Variants in ROS1 observed in about 807,000 individuals in gnomAD.
The protein encoded by ROS1 is proto-oncogene tyrosine-protein kinase ROS.
In ROS1, 263 loss-of-function variants were observed where a neutral mutation model predicts 273.5. That is an observed-to-expected ratio of 0.96 (90% CI 0.87 to 1.06). The LOEUF is 1.06. ROS1 is among the 50% of genes least tolerant of loss of function. ROS1 has a pLI of 0.00. For missense variants in ROS1, 2,833 were observed against 2,751.1 expected, an observed-to-expected ratio of 1.03 and a Z score of -0.67; for synonymous variants, 1,008 against 954.1, an observed-to-expected ratio of 1.06 and a Z score of -1.04.
At chr6:117,411,652 C>T (rs573388944) in intron 4 of ROS1, among the ~76,000 whole-genome samples, 72 of 152,262 alleles carry the variant, frequency 4.7e-4, no homozygotes, top group Middle Eastern at 3.4e-3. Flanking sequence ...GTGCCCTTTC[C>T]AGCTTCTGTA....
intron 5 of ROS1, among the ~76,000 whole-genome samples, chr6:117,408,309 A>G (rs199817957): frequency 6.6e-6 from 1 of 152,128 alleles, no homozygotes; most frequent in African/African-American, 2.4e-5. Flanking sequence ...TTTGCAATCT[A>G]CTTATCTGAC....
intron 22 of ROS1, 144 bp downstream of exon 22, chr6:117,362,459 C>G (rs1344710545): frequency 1.5e-6 from 1 of 659,778 alleles, no homozygotes; most frequent in Non-Finnish European, 2.4e-6. Flanking sequence ...AATTTTCTCA[C>G]ATAATTTTAA....
chr6:117,337,359 A>T lies in ROS1; in HGVS notation c.5062-19T>A. 1 of 1,576,790 alleles carries T rather than the reference A, an allele frequency of 6.3e-7. No homozygotes were observed. The highest frequency in any genetic ancestry group is 8.6e-7 in the Non-Finnish European group (1 of 1,164,314). Reference sequence around the variant, plus strand: ...ATTTCCACTAGAAAAAGAAGTCTCGATTAATATTTTTGTTTCTCTAAGAAA... The same window carrying T: ...ATTTCCACTAGAAAAAGAAGTCTCGTTTAATATTTTTGTTTCTCTAAGAAA... On this transcript the variant is annotated intron_variant, in intron 31 of 43. Transcript: ENST00000368507.
chr6:117,419,568 A>G (rs1175763495), intron 1 of ROS1, among the ~76,000 whole-genome samples: 2 of 152,164 alleles, frequency 1.3e-5, no homozygotes, highest in East Asian at 3.9e-4. Flanking sequence ...TGTTAGATGA[A>G]TTTTGCAACC....
chr6:117,307,272 G>T (rs1467756026), intron 42 of ROS1, among the ~76,000 whole-genome samples: 8 of 152,094 alleles, frequency 5.3e-5, no homozygotes, highest in Non-Finnish European at 7.4e-5. Flanking sequence ...TTTCAAAGCT[G>T]CCTATCCAAA....
intron 1 of ROS1, among the ~76,000 whole-genome samples, chr6:117,421,503 A>G (rs1775754882): frequency 6.6e-6 from 1 of 152,072 alleles, no homozygotes; most frequent in East Asian, 1.9e-4. Flanking sequence ...AAGTGAGAAC[A>G]TACGGTATTT....
chr6:117,351,139 G>C (rs796478098), intron 27 of ROS1, among the ~76,000 whole-genome samples: 2 of 152,098 alleles, frequency 1.3e-5, no homozygotes, highest in Admixed American at 1.3e-4. Context: ...TAGGGGAAGG[G>C]GAGGCATTTT....
At chr6:117,383,885 T>G (rs1049438946) in intron 16 of ROS1, among the ~76,000 whole-genome samples, 2 of 152,238 alleles carry the variant, frequency 1.3e-5, no homozygotes, top group African/African-American at 4.8e-5. Context: ...CATCTCTCCT[T>G]GCTCTTCTCT....
intron 31 of ROS1, among the ~76,000 whole-genome samples, chr6:117,338,870 T>A (rs970126620): frequency 6.6e-6 from 1 of 152,076 alleles, no homozygotes; most frequent in Admixed American, 6.6e-5. Flanking sequence ...TTTCAAATTA[T>A]GTGGGTGGGA....
intron 17 of ROS1, among the ~76,000 whole-genome samples, chr6:117,381,837 G>A (rs1263543840): frequency 6.6e-6 from 1 of 152,148 alleles, no homozygotes; most frequent in Non-Finnish European, 1.5e-5. Flanking sequence ...TTTCCATAGA[G>A]GTTGTACTAA....
intron 2 of ROS1, among the ~76,000 whole-genome samples, chr6:117,417,389 C>T (rs17079152): frequency 0.021 from 3,166 of 152,196 alleles, 111 homozygotes; most frequent in African/African-American, 0.072. Flanking sequence ...TGGTCATTAA[C>T]TAAAATCCAT....
Position 117,373,355 on chromosome 6 carries a change from G to C in ROS1, c.2582+5704C>G, listed in dbSNP as rs903332890. On this transcript the variant is annotated intron_variant, in intron 18 of 43. Coordinates refer to ENST00000368507, the MANE Select transcript of ROS1 (RefSeq NM_001378902.1). ...CGGAGCAGGGGGCGGCACCCATCAG[G>C]GAGGCTCGGGCTGCGCGGAAGCCCA... Among the ~76,000 whole-genome samples, 17 of 152,234 alleles carry C rather than the reference G, an allele frequency of 1.1e-4. 1 individual carries two copies. The highest frequency in any genetic ancestry group is 4.1e-4 in the African/African-American group (17 of 41,474).
chr6:117,319,023 A>C (rs182134654), intron 37 of ROS1, among the ~76,000 whole-genome samples: 5 of 152,274 alleles, frequency 3.3e-5, no homozygotes, highest in Non-Finnish European at 7.4e-5. Context: ...AGAACTTTTA[A>C]ATGACATCAT....
intron 18 of ROS1, among the ~76,000 whole-genome samples, chr6:117,372,148 T>C (rs941844203): frequency 6.6e-6 from 1 of 152,118 alleles, no homozygotes; most frequent in East Asian, 1.9e-4. Context: ...TTACACTGAA[T>C]AGAGAAAAGC....
intron 39 of ROS1, among the ~76,000 whole-genome samples, chr6:117,314,971 C>T (rs1361592728): frequency 6.6e-6 from 1 of 152,018 alleles, no homozygotes; most frequent in African/African-American, 2.4e-5. Context: ...GAATCAGATT[C>T]CAAAACAAAG....
chr6:117,373,760 C>T (rs1420672158), intron 18 of ROS1, among the ~76,000 whole-genome samples: 1 of 152,222 alleles, frequency 6.6e-6, no homozygotes, highest in Non-Finnish European at 1.5e-5. Flanking sequence ...TGAAGGGCTC[C>T]TCAAGCATGG....
chr6:117,404,988 G>T (rs1010030993), intron 5 of ROS1, among the ~76,000 whole-genome samples: 15 of 152,074 alleles, frequency 9.9e-5, no homozygotes, highest in Non-Finnish European at 2.1e-4. Context: ...TATTACAATT[G>T]GCAGCAATTT....
chr6:117,362,576 T>C, intron 22 of ROS1, 27 bp downstream of exon 22: 2 of 1,602,212 alleles, frequency 1.2e-6, no homozygotes, highest in Non-Finnish European at 1.7e-6. Context: ...ATTAAGACTC[T>C]CATATCTTCT....
intron 39 of ROS1, among the ~76,000 whole-genome samples, chr6:117,316,455 T>C (rs1044434001): frequency 3.3e-5 from 5 of 152,064 alleles, no homozygotes; most frequent in Non-Finnish European, 5.9e-5. Context: ...TGTCTTATCT[T>C]ACGTGTTCTC....
Sources: gnomAD v4.1 joint callset for allele counts (sites outside exome capture counted in the v4.1 genomes callset) on GRCh38, gnomAD v4.1.1 for gene constraint, MANE v1.5 for transcripts, NCBI Gene and HGNC (gene_info 2026-07-23, HGNC 2026-07-21) for gene names.